TGFBRAP1: variants seen among roughly 807,000 people sequenced by gnomAD.
TGFBRAP1 encodes transforming growth factor-beta receptor-associated protein 1.
In TGFBRAP1, 20 loss-of-function variants were observed where a neutral mutation model predicts 83.2. The ratio of observed to expected loss-of-function variants is 0.24; its 90% CI spans 0.17 to 0.35. The LOEUF (loss-of-function observed/expected upper bound fraction) is 0.35, where lower values mean the gene tolerates loss of function less well. Among genes scored for constraint, TGFBRAP1 ranks in the 10% least tolerant of loss-of-function variants. The probability of loss-of-function intolerance (pLI) is 1.00; values close to 1 mark genes in which losing one functional copy is unlikely to be tolerated. For synonymous variants in TGFBRAP1, 415 were observed against 459.8 expected (o/e 0.90, Z 1.25); for missense variants, 950 against 1,099.4 (o/e 0.86, Z 1.92).
At position 105,305,440 on chromosome 2, in the gene TGFBRAP1, G is replaced by C. The variant is rs577250296; in HGVS notation, c.688+2174C>G. 1.1e-4 allele frequency among the ~76,000 whole-genome samples: 17 copies of C among 152,232 alleles called. No individual in the cohort carries two copies. In the East Asian group the frequency reaches 2.9e-3, roughly 26 times the overall value. On this transcript the variant is annotated intron_variant, in intron 2 of 11. Coordinates refer to ENST00000393359, the MANE Select transcript of TGFBRAP1 (RefSeq NM_004257.6). ...ACCCCTGGCTGGAAGAAAATACCAG[G>C]AGACATCACTAAGGTTAAAGCACTG...
chr2:105,296,260 C>T, intron 4 of TGFBRAP1, 96 bp downstream of exon 4: 6 of 1,439,684 alleles, frequency 4.2e-6, no homozygotes, highest in Non-Finnish European at 4.8e-6. Flanking sequence ...TGTGTACAGC[C>T]CGGTACACAG....
chr2:105,276,987 G>A (rs749538991), intron 7 of TGFBRAP1, among the ~76,000 whole-genome samples: 12 of 152,174 alleles, frequency 7.9e-5, no homozygotes, highest in Admixed American at 2.0e-4. Flanking sequence ...AACTAATAAC[G>A]AAGGGGAGAA....
intron 1 of TGFBRAP1, among the ~76,000 whole-genome samples, chr2:105,309,678 C>A (rs1310234933): frequency 1.3e-5 from 2 of 152,198 alleles, no homozygotes; most frequent in African/African-American, 4.8e-5. Flanking sequence ...AGGGAGGATA[C>A]CCCAGGGTTG....
chr2:105,286,568 T>C (rs1677727014), intron 4 of TGFBRAP1, among the ~76,000 whole-genome samples: 1 of 152,212 alleles, frequency 6.6e-6, no homozygotes, highest in South Asian at 2.1e-4. Flanking sequence ...AAGTTTCTTT[T>C]TTCATTATCA....
At chr2:105,314,204 A>G (rs2104404773) in intron 1 of TGFBRAP1, among the ~76,000 whole-genome samples, 1 of 151,908 alleles carries the variant, frequency 6.6e-6, no homozygotes, top group South Asian at 2.1e-4. Context: ...AAAACTCTGA[A>G]GTAATATTTC....
chr2:105,329,595 A>C (rs7424998), intron 1 of TGFBRAP1, 30 bp downstream of exon 1: 1 of 118,790 alleles, frequency 8.4e-6, no homozygotes. Flanking sequence ...TGAGCCCCGC[A>C]CCCCGCGCCC....
intron 7 of TGFBRAP1, 45 bp downstream of exon 7, chr2:105,277,569 C>T (rs1295581845): frequency 1.9e-6 from 3 of 1,598,054 alleles, no homozygotes; most frequent in East Asian, 2.2e-5. Context: ...GTATTACTTA[C>T]ATGGTGCTGA....
chr2:105,320,478 T>G (rs982343145), intron 1 of TGFBRAP1, among the ~76,000 whole-genome samples: 1 of 151,732 alleles, frequency 6.6e-6, no homozygotes, highest in Non-Finnish European at 1.5e-5. Context: ...CAAAGCCAGG[T>G]CAGATCTGAA....
the TGFBRAP1 span, among the ~76,000 whole-genome samples, chr2:105,254,845 G>T: frequency 6.6e-6 from 1 of 152,160 alleles, no homozygotes; most frequent in Non-Finnish European, 1.5e-5. Flanking sequence ...AGGAAAAGAG[G>T]TAGAGACCCC....
chr2:105,274,086 G>C (rs1051849888), intron 8 of TGFBRAP1, among the ~76,000 whole-genome samples: 2 of 152,222 alleles, frequency 1.3e-5, no homozygotes, highest in African/African-American at 4.8e-5. Flanking sequence ...TTGCAGAACA[G>C]TATGTGAAAA....
intron 11 of TGFBRAP1, among the ~76,000 whole-genome samples, chr2:105,268,271 G>A (rs779457125): frequency 7.2e-5 from 11 of 152,166 alleles, no homozygotes; most frequent in African/African-American, 1.4e-4. Context: ...CGACATGGCA[G>A]GCTTAGCCCT....
At chr2:105,275,255 A>G (rs1677297593) in intron 8 of TGFBRAP1, among the ~76,000 whole-genome samples, 1 of 152,236 alleles carries the variant, frequency 6.6e-6, no homozygotes, top group Non-Finnish European at 1.5e-5. Context: ...CGGGGTTCAC[A>G]GACACAAGTT....
At chr2:105,287,409 A>G (rs1024283007) in intron 4 of TGFBRAP1, among the ~76,000 whole-genome samples, 2 of 152,126 alleles carry the variant, frequency 1.3e-5, no homozygotes, top group African/African-American at 4.8e-5. Flanking sequence ...CTCCAGGTAG[A>G]TTTTTTTCCT....
chr2:105,282,157 C>A (rs1005039880), intron 5 of TGFBRAP1, among the ~76,000 whole-genome samples: 1 of 152,216 alleles, frequency 6.6e-6, no homozygotes, highest in Non-Finnish European at 1.5e-5. Context: ...GCAGGAAAGG[C>A]ACACATCCAG....
chr2:105,287,175 G>A lies in TGFBRAP1; in HGVS notation c.1039-2777C>T, dbSNP rs1274395768. The stretch of plus-strand genomic sequence containing the variant: ...TTCATAGAGACAGAAAGCAGAATGG[G>A]GGCTGCCAAGGGCTGGTGGGGGTGT... On this transcript the variant is annotated intron_variant, in intron 4 of 11. Transcript: ENST00000393359. Among the ~76,000 whole-genome samples the A allele has an allele frequency of 4.6e-5, 7 of 152,016 alleles. No individual in the cohort carries two copies. The East Asian group carries it at 1.4e-3, about 30-fold the overall frequency.
downstream of TGFBRAP1, among the ~76,000 whole-genome samples, chr2:105,263,737 T>C (rs116048656): frequency 7.7e-4 from 117 of 152,210 alleles, no homozygotes; most frequent in African/African-American, 2.7e-3. Context: ...TTTTTTAAAT[T>C]AGCTGGGTGT....
chr2:105,325,504 T>A (rs775626491), intron 1 of TGFBRAP1, among the ~76,000 whole-genome samples: 1 of 152,130 alleles, frequency 6.6e-6, no homozygotes. Context: ...GGGGAACAAG[T>A]ATGATTTCAG....
At chr2:105,263,286 C>T (rs1266873289), downstream of TGFBRAP1, among the ~76,000 whole-genome samples, 1 of 152,196 alleles carries the variant, frequency 6.6e-6, no homozygotes, top group East Asian at 1.9e-4. Flanking sequence ...GAATATTGCA[C>T]CTGCTGCTTT....
intron 6 of TGFBRAP1, among the ~76,000 whole-genome samples, chr2:105,279,846 T>C (rs1438216513): frequency 6.6e-6 from 1 of 152,088 alleles, no homozygotes; most frequent in East Asian, 1.9e-4. Flanking sequence ...TAGACCAGCC[T>C]GGCCAACATG....
Sources: allele counts gnomAD v4.1 joint callset (sites outside exome capture counted in the v4.1 genomes callset), GRCh38; gene constraint gnomAD v4.1.1; transcripts MANE v1.5; gene names NCBI Gene and HGNC (gene_info 2026-07-23, HGNC 2026-07-21).